Variants in OSMR observed in about 807,000 individuals in gnomAD.
OSMR encodes the protein oncostatin-M-specific receptor subunit beta.
A neutral mutation model predicts 99.9 loss-of-function variants in OSMR; 81 were observed. That is an observed-to-expected ratio of 0.81 (90% confidence interval 0.68 to 0.97). The LOEUF is 0.97. OSMR is among the 50% of genes least tolerant of loss of function. OSMR has a pLI of 0.00. For synonymous variants in OSMR, 406 were observed against 410.4 expected (o/e 0.99, Z 0.13); for missense variants, 1,099 against 1,153.4 (o/e 0.95, Z 0.68).
In OSMR at chr5:38,918,856, A is replaced by G. The variant is rs1746074268; in HGVS notation, c.1379A>G (p.His460Arg). 2 of 1,614,078 alleles carry G rather than the reference A, an allele frequency of 1.2e-6. No homozygotes were observed. The highest frequency in any genetic ancestry group is 4.5e-5 in the East Asian group (2 of 44,878). Residue 460 changes from histidine (H) to arginine (R), a missense_variant, in exon 11 of 18, where the codon CAT becomes CGT. Transcript: ENST00000274276. ...TTTTTTCAGCCATTATCAAAACTGC[A>G]TGCCAATGGAAAGATCCTGTTCTAT... Reference protein sequence around the residue: ...TLFWKPLSKLHANGKILFYNV... With the variant: ...TLFWKPLSKLRANGKILFYNV...
chr5:38,864,120 A>T (rs1374958841), intron 1 of OSMR, among the ~76,000 whole-genome samples: 2 of 152,198 alleles, frequency 1.3e-5, no homozygotes, highest in East Asian at 3.8e-4. Context: ...TACACCATTC[A>T]AGTGGGGAAT....
At position 38,875,557 on chromosome 5, in the gene OSMR, T is replaced by C. The variant is rs141388304; in HGVS notation, c.74-644T>C. ...CAGACTGTGTCATACCACTAACTAGTCTAAAATTCCACTCTCTTGATTATT... is the reference window on the plus strand; with the variant it reads ...CAGACTGTGTCATACCACTAACTAGCCTAAAATTCCACTCTCTTGATTATT... On this transcript the variant is annotated intron_variant, in intron 2 of 17. Coordinates refer to ENST00000274276, the MANE Select transcript of OSMR (RefSeq NM_003999.3). Among the ~76,000 whole-genome samples the C allele has an allele frequency of 4.8e-3, 726 of 152,360 alleles. 3 individuals are homozygous for C. The highest frequency in any genetic ancestry group is 0.016 in the African/African-American group (683 of 41,588).
At chr5:38,944,526 G>A in intron 2 of OSMR, 1 of 1,611,512 alleles carries the variant, frequency 6.2e-7, no homozygotes, top group Admixed American at 1.7e-5. Flanking sequence ...CTTTGCGAAG[G>A]AGTATACGGC....
Position 38,886,075 on chromosome 5 carries a change from C to T in OSMR, c.876C>T (p.Asn292=). The T allele has an allele frequency of 1.9e-5, 31 of 1,613,666 alleles. No homozygotes were observed. Among genetic ancestry groups the T allele is most frequent in the Non-Finnish European group, 2.5e-5 (29 of 1,179,856 alleles). ...SGEKKLCTHK[N]WCNWQITQDS... is the part of the protein sequence containing the mutation. ...AAAAGAAACTTTGTACACACAAAAA[C>T]TGGTGTAATTGGCAAATAACTCAAG... The change falls in exon 7 of 18, where the codon AAC becomes AAT. Residue 292 remains asparagine (N), a synonymous_variant. Coordinates refer to ENST00000274276, the MANE Select transcript of OSMR (RefSeq NM_003999.3).
intron 11 of OSMR, among the ~76,000 whole-genome samples, chr5:38,921,219 A>T (rs1397146459): frequency 6.6e-6 from 1 of 152,194 alleles, no homozygotes; most frequent in Non-Finnish European, 1.5e-5. Flanking sequence ...ATATTTTATT[A>T]TATGCCTTCT....
intron 12 of OSMR, among the ~76,000 whole-genome samples, chr5:38,922,714 G>A (rs1013513567): frequency 6.6e-6 from 1 of 152,156 alleles, no homozygotes; most frequent in Non-Finnish European, 1.5e-5. Context: ...ATATCGTGGG[G>A]ATGAAATACA....
chr5:38,942,809 T>G (rs1239569493), intron 1 of OSMR: 1 of 1,527,016 alleles, frequency 6.5e-7, no homozygotes, highest in East Asian at 2.2e-5. Flanking sequence ...GAAGATAAAT[T>G]TGAGAAGTAC....
chr5:38,921,975 A>C (rs917577658), intron 12 of OSMR, among the ~76,000 whole-genome samples, 181 bp downstream of exon 12: 1 of 152,234 alleles, frequency 6.6e-6, no homozygotes, highest in Non-Finnish European at 1.5e-5. Context: ...TTGACCTTTA[A>C]ATCTACTTTT....
At chr5:38,856,081 A>G (rs939558866) in intron 1 of OSMR, among the ~76,000 whole-genome samples, 6 of 152,290 alleles carry the variant, frequency 3.9e-5, no homozygotes, top group African/African-American at 1.4e-4. Context: ...TGTGTTAGTC[A>G]GGGTCCCATC....
chr5:38,918,363 C>A (rs1481839726), intron 10 of OSMR, among the ~76,000 whole-genome samples: 1 of 152,072 alleles, frequency 6.6e-6, no homozygotes, highest in Admixed American at 6.5e-5. Flanking sequence ...TCTCTGCAAA[C>A]TGAGGATCTT....
In OSMR at chr5:38,860,125, T is replaced by C. The variant is rs576632875; in HGVS notation, c.-13-8907T>C. ...ACTATGTTGAATATGAGTTGTAAAA[T>C]TGGGCATCCTTTTCTCATTCCAATT... On this transcript the variant is annotated intron_variant, in intron 1 of 17. Coordinates refer to ENST00000274276, the MANE Select transcript of OSMR (RefSeq NM_003999.3). 1.1e-4 allele frequency among the ~76,000 whole-genome samples: 16 copies of C among 152,332 alleles called. No homozygotes were observed. In the East Asian group the frequency reaches 1.2e-3, roughly 11 times the overall value.
intron 7 of OSMR, among the ~76,000 whole-genome samples, chr5:38,891,155 T>C (rs1210268559): frequency 1.3e-5 from 2 of 152,224 alleles, no homozygotes; most frequent in Non-Finnish European, 2.9e-5. Context: ...TATTTACAGA[T>C]GCACATAACC....
chr5:38,908,083 C>T (rs1026634083), intron 9 of OSMR, among the ~76,000 whole-genome samples: 1 of 152,136 alleles, frequency 6.6e-6, no homozygotes, highest in Admixed American at 6.6e-5. Context: ...GCACAGACAC[C>T]AGCAACTCTG....
intron 3 of OSMR, among the ~76,000 whole-genome samples, chr5:38,878,259 A>G (rs920653693): frequency 1.3e-5 from 2 of 152,098 alleles, no homozygotes; most frequent in Admixed American, 1.3e-4. Flanking sequence ...GTTAAGGAGG[A>G]GGATGCTGCT....
chr5:38,908,977 A>G (rs747262939), intron 9 of OSMR, among the ~76,000 whole-genome samples: 1 of 152,206 alleles, frequency 6.6e-6, no homozygotes, highest in Non-Finnish European at 1.5e-5. Context: ...AAGATCATCA[A>G]CATCCAAGAG....
intron 9 of OSMR, among the ~76,000 whole-genome samples, chr5:38,910,220 A>G (rs1298184618): frequency 6.6e-6 from 1 of 152,262 alleles, no homozygotes; most frequent in African/African-American, 2.4e-5. Context: ...GCACAGATTC[A>G]TAAAGTAAGT....
At position 38,925,267 on chromosome 5, in the gene OSMR, A is replaced by G. The variant is rs140098662; in HGVS notation, c.2108A>G (p.Asn703Ser). Residue 703 changes from asparagine (N) to serine (S), a missense_variant, in exon 15 of 18, where the codon AAC becomes AGC. Physicochemically the swap from Asn to Ser is conservative, Grantham distance 46. Transcript: ENST00000274276. Reference sequence around the variant, plus strand: ...GAAGAAAAGGCATTGATTGTGGACAACCTAAAGCCAGAATCCTTCTATGAG... The same window carrying G: ...GAAGAAAAGGCATTGATTGTGGACAGCCTAAAGCCAGAATCCTTCTATGAG... Reference protein sequence around the residue: ...NPEEKALIVDNLKPESFYEFF... With the variant: ...NPEEKALIVDSLKPESFYEFF... 11 of 1,613,942 alleles carry G rather than the reference A, an allele frequency of 6.8e-6. No homozygotes were observed. The Admixed American group carries it at 1.7e-4, about 24-fold the overall frequency.
chr5:38,942,396 T>G (rs763738012), intron 1 of OSMR: 36 of 1,509,034 alleles, frequency 2.4e-5, no homozygotes, highest in Non-Finnish European at 2.7e-5. Flanking sequence ...AAAAATGGTG[T>G]ATCATCAATT....
chr5:38,914,573 C>T (rs754807046), intron 9 of OSMR, among the ~76,000 whole-genome samples: 27 of 152,164 alleles, frequency 1.8e-4, no homozygotes, highest in Non-Finnish European at 4.0e-4. Context: ...GCACTATTCA[C>T]CATAGCAAAG....
Sources: gnomAD v4.1 joint callset for allele counts (sites outside exome capture counted in the v4.1 genomes callset) on GRCh38, gnomAD v4.1.1 for gene constraint, MANE v1.5 for transcripts, NCBI Gene and HGNC (gene_info 2026-07-23, HGNC 2026-07-21) for gene names.